PPARD: variants seen among roughly 807,000 people sequenced by gnomAD.
PPARD encodes the protein peroxisome proliferator-activated receptor delta.
PPARD carries 6 observed loss-of-function variants against 39.5 expected under a neutral mutation model. The observed-to-expected ratio is 0.15, with a 90% CI of 0.08 to 0.30. The LOEUF (loss-of-function observed/expected upper bound fraction) is 0.30. Among genes scored for constraint, PPARD ranks in the 10% least tolerant of loss-of-function variants. The pLI is 1.00. For missense variants in PPARD, 397 were observed against 596.8 expected (o/e 0.67, Z 3.49); for synonymous variants, 210 against 231.3 (o/e 0.91, Z 0.83).
chr6:35,415,834 G>T (rs1194073513), intron 3 of PPARD, among the ~76,000 whole-genome samples: 63 of 131,810 alleles, frequency 4.8e-4, no homozygotes, highest in Non-Finnish European at 9.2e-5. Flanking sequence ...TAACGAATTG[G>T]TTCACACAGT....
intron 2 of PPARD, among the ~76,000 whole-genome samples, chr6:35,395,214 G>A (rs1027425785): frequency 1.3e-5 from 2 of 152,174 alleles, no homozygotes; most frequent in African/African-American, 4.8e-5. Flanking sequence ...TAGAAGACAC[G>A]CTCTTCAGGT....
chr6:35,347,908 CTTTTT>C (rs149146314), intron 2 of PPARD, among the ~76,000 whole-genome samples: 1 of 122,086 alleles, frequency 8.2e-6, no homozygotes, highest in Non-Finnish European at 1.7e-5. Flanking sequence ...CGCACCTGGC[CTTTTT>C]TTTTTTTTTT....
intron 2 of PPARD, among the ~76,000 whole-genome samples, chr6:35,352,802 G>C (rs922697633): frequency 6.6e-6 from 1 of 152,216 alleles, no homozygotes; most frequent in Non-Finnish European, 1.5e-5. Flanking sequence ...TAGCATGAGA[G>C]CTGGGTTCTG....
chr6:35,421,311 T>G (rs1309479958), intron 4 of PPARD, among the ~76,000 whole-genome samples: 6 of 34,370 alleles, frequency 1.7e-4, no homozygotes, highest in African/African-American at 1.2e-3. Context: ...ATAGTTGTGT[T>G]TTTTTTTTGT....
chr6:35,393,164 T>C (rs535578593), intron 2 of PPARD, among the ~76,000 whole-genome samples: 1 of 152,238 alleles, frequency 6.6e-6, no homozygotes, highest in Non-Finnish European at 1.5e-5. Flanking sequence ...TCTGGGGAGT[T>C]CTTATTCCCC....
chr6:35,376,650 G>A (rs891938413), intron 2 of PPARD, among the ~76,000 whole-genome samples: 11 of 152,106 alleles, frequency 7.2e-5, no homozygotes, highest in African/African-American at 2.7e-4. Context: ...ACTGCTTAGT[G>A]CGGCACCCCT....
intron 2 of PPARD, among the ~76,000 whole-genome samples, chr6:35,409,908 C>G (rs747104502): frequency 8.7e-4 from 133 of 152,294 alleles, no homozygotes; most frequent in Middle Eastern, 6.8e-3. Flanking sequence ...GGGGATGGGA[C>G]CAGGCATCTG....
At position 35,377,241 on chromosome 6, in the gene PPARD, A is replaced by G. The variant is rs571594335; in HGVS notation, c.-102+30091A>G. ...AGTTCCACTCACTGTTTATGTTTCA[A>G]TTCTTCTCGCACATAGGCATTTCTC... On this transcript the variant is annotated intron_variant, in intron 2 of 7. Coordinates refer to ENST00000360694, the MANE Select transcript of PPARD (RefSeq NM_006238.5). 1.4e-4 allele frequency among the ~76,000 whole-genome samples: 22 copies of G among 152,210 alleles called. 1 individual carries two copies. The highest frequency in any genetic ancestry group is 4.2e-4 in the South Asian group (2 of 4,812).
At chr6:35,349,681 G>A (rs1047913035) in intron 2 of PPARD, among the ~76,000 whole-genome samples, 1 of 149,900 alleles carries the variant, frequency 6.7e-6, no homozygotes, top group African/African-American at 2.5e-5. Context: ...TTTTTTGTTT[G>A]TTTTTGTTTT....
intron 4 of PPARD, among the ~76,000 whole-genome samples, chr6:35,420,539 G>A (rs1383209400): frequency 6.6e-5 from 10 of 152,214 alleles, no homozygotes; most frequent in African/African-American, 2.4e-4. Context: ...TCCCCCTGGG[G>A]ACCAGGCAGC....
intron 2 of PPARD, among the ~76,000 whole-genome samples, chr6:35,407,172 T>C (rs149242135): frequency 6.6e-6 from 1 of 152,294 alleles, no homozygotes; most frequent in East Asian, 1.9e-4. Context: ...CAGGCAGTAT[T>C]GTAGCTTTTC....
chr6:35,361,760 C>T (rs965901102), intron 2 of PPARD, among the ~76,000 whole-genome samples: 6 of 152,144 alleles, frequency 3.9e-5, no homozygotes, highest in Non-Finnish European at 5.9e-5. Context: ...TTACACCTTG[C>T]TGAGGGTCTG....
chr6:35,389,899 C>T (rs1182944195), intron 2 of PPARD, among the ~76,000 whole-genome samples: 1 of 152,180 alleles, frequency 6.6e-6, no homozygotes. Context: ...CTGAAGGGCC[C>T]TGGTGACTTT....
intron 3 of PPARD, among the ~76,000 whole-genome samples, chr6:35,419,015 T>G (rs553838773): frequency 2.6e-5 from 4 of 152,152 alleles, no homozygotes; most frequent in South Asian, 4.2e-4. Flanking sequence ...GGTGGGGAAA[T>G]CAAAGTTGCT....
chr6:35,346,034 G>A (rs756016305), intron 1 of PPARD, among the ~76,000 whole-genome samples: 12 of 151,904 alleles, frequency 7.9e-5, no homozygotes, highest in Non-Finnish European at 1.6e-4. Flanking sequence ...CCGCCACCAC[G>A]CCTGGCTCAT....
At chr6:35,404,825 G>A (rs572756166) in intron 2 of PPARD, among the ~76,000 whole-genome samples, 1 of 152,310 alleles carries the variant, frequency 6.6e-6, no homozygotes, top group African/African-American at 2.4e-5. Flanking sequence ...AAATTCACCT[G>A]CCAATGGGCA....
In PPARD at chr6:35,366,452, T is replaced by G. The variant is rs1363988630; in HGVS notation, c.-102+19302T>G. Reference sequence around the variant, plus strand: ...AGGACAATTAATCTGATAGCATTTATGCTAGAGGGGTCAAAATGGAGAGAG... The same window carrying G: ...AGGACAATTAATCTGATAGCATTTAGGCTAGAGGGGTCAAAATGGAGAGAG... On this transcript the variant is annotated intron_variant, in intron 2 of 7. Coordinates refer to ENST00000360694, the MANE Select transcript of PPARD (RefSeq NM_006238.5). The surrounding 1 kb of genome is among the most constrained non-coding windows in gnomAD (Gnocchi z 4.6). Among the ~76,000 whole-genome samples, 1 of 151,698 alleles carries G rather than the reference T, an allele frequency of 6.6e-6. No homozygotes were observed. Among genetic ancestry groups the G allele is most frequent in the Admixed American group, 6.6e-5 (1 of 15,262 alleles).
chr6:35,424,918 C>G lies in PPARD; in HGVS notation c.1078+139C>G. ...GATCTTGGCAGTGGAACATGCAAGG[C>G]ACTGACTGAGCATGCAGGATCAGCT... On this transcript the variant is annotated intron_variant, in intron 7 of 7. Transcript: ENST00000360694. This position sits in a 1 kb window ranked among gnomAD's most constrained non-coding sequence, Gnocchi z 7.1. 1 of 1,451,312 alleles carries G rather than the reference C, an allele frequency of 6.9e-7. No individual in the cohort carries two copies. The highest frequency in any genetic ancestry group is 9.0e-7 in the Non-Finnish European group (1 of 1,106,194). 89.9% of individuals were successfully genotyped at this position (1,451,312 alleles called of 1,614,324 possible).
intron 2 of PPARD, among the ~76,000 whole-genome samples, chr6:35,393,104 C>A (rs1340865063): frequency 6.6e-6 from 1 of 152,154 alleles, no homozygotes; most frequent in African/African-American, 2.4e-5. Context: ...AGGACCAGGG[C>A]CAGTGGCTTG....
Sources: allele counts gnomAD v4.1 joint callset (sites outside exome capture counted in the v4.1 genomes callset), GRCh38; gene constraint gnomAD v4.1.1; non-coding constraint Gnocchi (gnomAD v3.1); transcripts MANE v1.5; gene names NCBI Gene and HGNC (gene_info 2026-07-23, HGNC 2026-07-21).